TXNDC11: variants seen among roughly 807,000 people sequenced by gnomAD.
The protein encoded by TXNDC11 is thioredoxin domain containing 11.
A neutral mutation model predicts 78.0 loss-of-function variants in TXNDC11; 68 were observed. That is an observed-to-expected ratio of 0.87 (90% CI 0.72 to 1.07). TXNDC11 has a LOEUF of 1.07. TXNDC11 is among the 50% of genes least tolerant of loss of function. TXNDC11 has a pLI of 0.00. For synonymous variants in TXNDC11, 571 were observed against 495.2 expected, an observed-to-expected ratio of 1.15 and a Z score of -2.03; for missense variants, 1,389 against 1,221.8, an observed-to-expected ratio of 1.14 and a Z score of -2.04.
intron 5 of TXNDC11, among the ~76,000 whole-genome samples, chr16:11,710,489 G>T (rs534256626): frequency 2.6e-4 from 39 of 152,324 alleles, no homozygotes; most frequent in Admixed American, 5.9e-4. Flanking sequence ...AACAGATGGG[G>T]AACCTGAAAC....
In TXNDC11 at chr16:11,700,566, T is replaced by G; in HGVS notation, c.794-2A>C. ...CAAATCGTACTGTTCCTAGGTAATC[T>G]GAAACAGAAAATTTTCCTTTATTAA... On this transcript the variant is annotated splice_acceptor_variant, in intron 5 of 11. Transcript: ENST00000283033. LOFTEE classifies it high-confidence loss of function. 6.6e-7 allele frequency: 1 copy of G among 1,525,482 alleles called. No homozygotes were observed. The highest frequency in any genetic ancestry group is 9.0e-7 in the Non-Finnish European group (1 of 1,105,134). The allele number at this position is 1,525,482 out of a possible 1,614,324, so 94.5% of individuals were successfully genotyped here. A position where few individuals can be genotyped will look rare whatever the true frequency, so the allele number is the denominator to read the frequency against.
At chr16:11,738,440 G>A (rs1006351460) in intron 1 of TXNDC11, among the ~76,000 whole-genome samples, 20 of 152,300 alleles carry the variant, frequency 1.3e-4, no homozygotes, top group African/African-American at 4.6e-4. Context: ...GCGTGTTGTC[G>A]AGGAGACCAC....
chr16:11,719,597 T>C, intron 5 of TXNDC11, among the ~76,000 whole-genome samples: 1 of 152,184 alleles, frequency 6.6e-6, no homozygotes, highest in Non-Finnish European at 1.5e-5. Context: ...TAGTTACATA[T>C]TTTTGGTTGA....
chr16:11,679,437 C>A lies in TXNDC11; in HGVS notation c.2635G>T (p.Glu879Ter), dbSNP rs1278059856. 6.2e-7 allele frequency: 1 copy of A among 1,613,416 alleles called. No individual in the cohort carries two copies. Among genetic ancestry groups the A allele is most frequent in the Non-Finnish European group, 8.5e-7 (1 of 1,179,828 alleles). ...ELQELARKLQ[E>*]LADASENLLT... The stretch of plus-strand genomic sequence containing the variant: ...AGGTTTTCTGAGGCATCGGCCAGCT[C>A]CTGCAGCTTGCGGGCCAGCTCCTGC... The change falls in exon 12 of 12, where the codon GAG becomes TAG. Residue 879 changes from glutamate to a stop codon, truncating the protein, a stop_gained. Transcript: ENST00000283033. LOFTEE classifies it low-confidence loss of function (END_TRUNC). This position sits in a 1 kb window ranked among gnomAD's most constrained non-coding sequence, Gnocchi z 4.6.
chr16:11,692,054 T>G lies in TXNDC11; in HGVS notation c.1136A>C (p.Asn379Thr). The G allele has an allele frequency of 6.5e-7, 1 of 1,534,798 alleles. No individual in the cohort carries two copies. The highest frequency in any genetic ancestry group is 1.3e-5 in the South Asian group (1 of 77,282). ...EITEVALEYN[N>T]CHGDQVVERL... is the part of the protein sequence containing the mutation. ...CTCCACCACCTGGTCCCCATGACAGTTGTTGTACTCCAAGGCCACTTCGGT... is the reference window on the plus strand; with the variant it reads ...CTCCACCACCTGGTCCCCATGACAGGTGTTGTACTCCAAGGCCACTTCGGT... The change falls in exon 8 of 12, where the codon AAC becomes ACC. Residue 379 changes from asparagine (N) to threonine (T), a missense_variant. Transcript: ENST00000283033.
intron 5 of TXNDC11, among the ~76,000 whole-genome samples, chr16:11,712,622 A>G (rs1306898650): frequency 6.6e-6 from 1 of 152,060 alleles, no homozygotes; most frequent in Non-Finnish European, 1.5e-5. Context: ...TGCTGAGAGG[A>G]TCTTTTTTGG....
chr16:11,734,426 T>TAA, intron 2 of TXNDC11, among the ~76,000 whole-genome samples: 1 of 151,370 alleles, frequency 6.6e-6, no homozygotes, highest in Admixed American at 6.6e-5. Context: ...ATTTTTTTTT[T>TAA]AAAAAAAGCA....
chr16:11,736,375 AC>A (rs1162515524), intron 1 of TXNDC11, 142 bp from the exon 2 acceptor site: 1 of 648,978 alleles, frequency 1.5e-6, no homozygotes, highest in African/African-American at 1.8e-5. Context: ...TAGAAAGGCA[AC>A]ATCTGGCTGA....
intron 9 of TXNDC11, 76 bp downstream of exon 9, chr16:11,688,226 TC>T: frequency 2.0e-6 from 3 of 1,509,708 alleles, no homozygotes; most frequent in Non-Finnish European, 2.7e-6. Flanking sequence ...AAACAGCTGC[TC>T]ACCCCAACAA....
chr16:11,687,024 G>C (rs545275300), intron 10 of TXNDC11, among the ~76,000 whole-genome samples: 1 of 152,228 alleles, frequency 6.6e-6, no homozygotes, highest in Admixed American at 6.5e-5. Context: ...CCTCAGATTT[G>C]ATTCTAATTA....
At chr16:11,723,613 C>G (rs2051782743) in intron 4 of TXNDC11, among the ~76,000 whole-genome samples, 1 of 151,864 alleles carries the variant, frequency 6.6e-6, no homozygotes, top group Non-Finnish European at 1.5e-5. Context: ...AAAAAAAACC[C>G]ACAAAACTAT....
chr16:11,737,398 T>C (rs1011252900), intron 1 of TXNDC11, among the ~76,000 whole-genome samples: 1 of 150,126 alleles, frequency 6.7e-6, no homozygotes, highest in Non-Finnish European at 1.5e-5. Flanking sequence ...TGAGCCGAGA[T>C]TGCACCATTG....
chr16:11,690,979 C>T, intron 8 of TXNDC11: 1 of 359,756 alleles, frequency 2.8e-6, no homozygotes, highest in Non-Finnish European at 5.1e-6. Flanking sequence ...TCCCCAAGTC[C>T]CCACTGCCTG....
chr16:11,694,491 A>C (rs901576037), intron 7 of TXNDC11, among the ~76,000 whole-genome samples: 2 of 151,602 alleles, frequency 1.3e-5, no homozygotes, highest in African/African-American at 4.9e-5. Flanking sequence ...CCAGTTGCAC[A>C]GGCTAGAGGG....
chr16:11,694,623 T>C (rs971501836), intron 7 of TXNDC11, among the ~76,000 whole-genome samples: 2 of 152,026 alleles, frequency 1.3e-5, no homozygotes, highest in Admixed American at 6.5e-5. Context: ...AATTTTTATA[T>C]TTTTAGTAGA....
chr16:11,727,754 T>G (rs1567343780), intron 4 of TXNDC11, among the ~76,000 whole-genome samples: 1 of 143,144 alleles, frequency 7.0e-6, no homozygotes, highest in Non-Finnish European at 1.5e-5. Flanking sequence ...TATAAGCAGA[T>G]AAACTTTTAA....
rs1241345551 is a variant in TXNDC11 at position 11,703,385 on chromosome 16, A to G, written c.794-2821T>C. Among the ~76,000 whole-genome samples the G allele has an allele frequency of 5.3e-5, 8 of 152,326 alleles. No homozygotes were observed. In the South Asian group the frequency reaches 1.0e-3, roughly 20 times the overall value. ...CTTCTTTGTGGTAAGTACATTATAC[A>G]TAATTACAGCCAGGACTCTCACTGT... On this transcript the variant is annotated intron_variant, in intron 5 of 11. Transcript: ENST00000283033.
intron 3 of TXNDC11, 49 bp from the exon 4 acceptor site, chr16:11,730,823 C>A: frequency 7.2e-7 from 1 of 1,397,104 alleles, no homozygotes; most frequent in Non-Finnish European, 9.6e-7. Context: ...AAATAATACA[C>A]CATGCATTAA....
chr16:11,723,656 A>C (rs1420312839), intron 4 of TXNDC11, among the ~76,000 whole-genome samples: 1 of 152,194 alleles, frequency 6.6e-6, no homozygotes, highest in Non-Finnish European at 1.5e-5. Context: ...TGTGCACAAC[A>C]TTCAGAGTAG....
Sources: allele counts gnomAD v4.1 joint callset (sites outside exome capture counted in the v4.1 genomes callset), GRCh38; gene constraint gnomAD v4.1.1; non-coding constraint Gnocchi (gnomAD v3.1); transcripts MANE v1.5; gene names NCBI Gene and HGNC (gene_info 2026-07-23, HGNC 2026-07-21).